Variants in LIN7A observed in about 807,000 individuals in gnomAD.
LIN7A encodes the protein lin-7 cell polarity scaffold A.
LIN7A carries 25 observed loss-of-function variants against 29.8 expected under a neutral mutation model. That is an observed-to-expected ratio of 0.84 (90% CI 0.61 to 1.17). The LOEUF (loss-of-function observed/expected upper bound fraction) is 1.17, where lower values mean the gene tolerates loss of function less well. Among genes scored for constraint, LIN7A ranks in the 50% most tolerant of loss-of-function variants. The probability of loss-of-function intolerance (pLI) is 0.00; values close to 1 mark genes in which losing one functional copy is unlikely to be tolerated. For missense variants in LIN7A, 239 were observed against 287.0 expected, an observed-to-expected ratio of 0.83 and a Z score of 1.21; for synonymous variants, 118 against 107.5, an observed-to-expected ratio of 1.10 and a Z score of -0.60.
rs142633711 is a variant in LIN7A, at chr12:80,810,556, G to T, written c.*909C>A. 2.4e-4 allele frequency among the ~76,000 whole-genome samples: 36 copies of T among 152,230 alleles called. No homozygotes were observed. In the East Asian group the frequency reaches 5.8e-3, roughly 24 times the overall value. ...TGTAATAATGCTGTATTGAACATGG[G>T]AGTGTAAACATCTCTTTGACATATT... is the stretch of plus-strand genomic sequence containing the variant. On this transcript the variant is annotated intron_variant, in intron 5 of 5. Transcript: ENST00000552864.
intron 4 of LIN7A, among the ~76,000 whole-genome samples, chr12:80,835,558 G>A (rs1373438681): frequency 6.6e-6 from 1 of 151,922 alleles, no homozygotes; most frequent in Non-Finnish European, 1.5e-5. Flanking sequence ...AACTCTATAG[G>A]GAGATAAAAT....
chr12:80,878,177 T>C (rs1463604412), intron 2 of LIN7A, among the ~76,000 whole-genome samples: 1 of 152,238 alleles, frequency 6.6e-6, no homozygotes, highest in Non-Finnish European at 1.5e-5. Flanking sequence ...TTAGATATCC[T>C]TAAGATCACT....
At position 80,845,902 on chromosome 12, in the gene LIN7A, G is replaced by C; in HGVS notation, c.311C>G (p.Ser104Cys). Residue 104 changes from serine (S) to cysteine (C), a missense_variant, in exon 4 of 6, where the codon TCC becomes TGC. Physicochemically the swap from Ser to Cys is moderately radical, Grantham distance 112. Transcript: ENST00000552864. ...TGGCAGTTCAACTACTCGAGGGTGG[G>C]AGTGGCCTTCACTAGCTGCAAAAGC... Reference protein sequence around the residue: ...VAAFAASEGHSHPRVVELPKT... With the variant: ...VAAFAASEGHCHPRVVELPKT... The C allele has an allele frequency of 6.2e-7, 1 of 1,610,038 alleles. No homozygotes were observed. The highest frequency in any genetic ancestry group is 8.5e-7 in the Non-Finnish European group (1 of 1,178,396).
chr12:80,838,771 C>G (rs1401653803), intron 4 of LIN7A, among the ~76,000 whole-genome samples: 1 of 152,184 alleles, frequency 6.6e-6, no homozygotes, highest in Non-Finnish European at 1.5e-5. Context: ...AGCTGGGGAT[C>G]TGTGTGCCAG....
chr12:80,825,088 T>C (rs946661218), intron 4 of LIN7A, among the ~76,000 whole-genome samples: 1 of 152,180 alleles, frequency 6.6e-6, no homozygotes, highest in East Asian at 1.9e-4. Flanking sequence ...GCTGATAATA[T>C]GATTGTATAC....
intron 4 of LIN7A, among the ~76,000 whole-genome samples, chr12:80,814,895 A>C (rs1421166372): frequency 2.0e-5 from 3 of 152,208 alleles, no homozygotes; most frequent in African/African-American, 7.2e-5. Context: ...CCACCAGGAC[A>C]CAGAGCCACT....
chr12:80,904,909 G>A (rs1341623338), intron 1 of LIN7A, among the ~76,000 whole-genome samples: 2 of 151,866 alleles, frequency 1.3e-5, no homozygotes, highest in Admixed American at 6.6e-5. Context: ...GATCAGGTGT[G>A]GAAATTTTTA....
intron 1 of LIN7A, among the ~76,000 whole-genome samples, chr12:80,916,070 A>G (rs545071519): frequency 3.9e-4 from 60 of 152,352 alleles, no homozygotes; most frequent in Non-Finnish European, 7.6e-4. Context: ...TAAGGCTTCC[A>G]AAGGCAACCA....
In LIN7A at chr12:80,907,023, A is replaced by G. The variant is rs113382679; in HGVS notation, c.83-17654T>C. Among the ~76,000 whole-genome samples the G allele has an allele frequency of 2.5e-3, 358 of 143,612 alleles. 2 individuals are homozygous for G. The highest frequency in any genetic ancestry group is 3.8e-3 in the Non-Finnish European group (259 of 67,520). The allele number at this position is 143,612 out of a possible 152,430, so 94.2% of individuals were successfully genotyped here. A position where few individuals can be genotyped will look rare whatever the true frequency, so the allele number is the denominator to read the frequency against. ...AAGTTTTATTTTCAGTGAAACAATG[A>G]TCATAATAGAACATACCTCAGAGTG... On this transcript the variant is annotated intron_variant, in intron 1 of 5. Transcript: ENST00000552864.
At chr12:80,807,271 C>A (rs529649985) in intron 5 of LIN7A, among the ~76,000 whole-genome samples, 238 of 151,884 alleles carry the variant, frequency 1.6e-3, no homozygotes, top group Non-Finnish European at 2.9e-3. Flanking sequence ...GGGGTTTCAC[C>A]GAATTAGCCA....
intron 1 of LIN7A, among the ~76,000 whole-genome samples, chr12:80,916,078 C>T (rs968329165): frequency 6.6e-6 from 1 of 152,164 alleles, no homozygotes; most frequent in Non-Finnish European, 1.5e-5. Context: ...CCAAAGGCAA[C>T]CAGAATTTGA....
chr12:80,921,533 A>G (rs1877304234), intron 1 of LIN7A, among the ~76,000 whole-genome samples: 1 of 147,976 alleles, frequency 6.8e-6, no homozygotes, highest in Non-Finnish European at 1.5e-5. Context: ...TGAGAGGGAG[A>G]TCAAGTGAGC....
intron 4 of LIN7A, among the ~76,000 whole-genome samples, chr12:80,815,790 A>ACCTATTGC (rs1182108387): frequency 6.6e-6 from 1 of 152,180 alleles, no homozygotes; most frequent in East Asian, 1.9e-4. Flanking sequence ...GTTTTGTTGT[A>ACCTATTGC]CCTATTGCAT....
chr12:80,845,934 T>G lies in LIN7A; in HGVS notation c.279A>C (p.Thr93=). The G allele has an allele frequency of 6.4e-7, 1 of 1,566,728 alleles. No homozygotes were observed. Among genetic ancestry groups the G allele is most frequent in the Non-Finnish European group, 8.6e-7 (1 of 1,164,390 alleles). Residue 93 remains threonine, a synonymous_variant, in exon 4 of 6, where the codon ACA becomes ACC. Coordinates refer to ENST00000552864, the MANE Select transcript of LIN7A (RefSeq NM_004664.4). ...EFRARATAKA[T]VAAFAASEGH... is the part of the protein sequence containing the mutation. ...CTTCACTAGCTGCAAAAGCTGCAAC[T>G]GTTGCCTGAAAAAAAAAAAAAAAGA...
At chr12:80,881,175 T>C (rs1029135360) in intron 2 of LIN7A, among the ~76,000 whole-genome samples, 2 of 152,176 alleles carry the variant, frequency 1.3e-5, no homozygotes, top group African/African-American at 4.8e-5. Context: ...AAATCTATAT[T>C]GTGTGATTTA....
At chr12:80,903,394 C>T (rs1352092579) in intron 1 of LIN7A, among the ~76,000 whole-genome samples, 1 of 151,958 alleles carries the variant, frequency 6.6e-6, no homozygotes, top group Non-Finnish European at 1.5e-5. Context: ...GTCTATTATT[C>T]CACACTCTAT....
Position 80,848,252 on chromosome 12 carries a change from T to C in LIN7A, c.272A>G (p.Lys91Arg). 6.2e-7 allele frequency: 1 copy of C among 1,611,810 alleles called. No homozygotes were observed. The highest frequency in any genetic ancestry group is 8.5e-7 in the Non-Finnish European group (1 of 1,178,058). ...TTTTTAAAGTTACTCAAGCCTTACC[T>C]TTGCTGTTGCCCTCGCACGGAATTC... ...CPEFRARATA[K>R]ATVAAFAASE... The change falls in exon 3 of 6, where the codon AAG (lysine) becomes AGG (arginine). Residue 91 changes from lysine (K) to arginine (R), a missense_variant and splice_region_variant. Lys to Arg is a conservative substitution (Grantham distance 26). Coordinates refer to ENST00000552864, the MANE Select transcript of LIN7A (RefSeq NM_004664.4).
rs555796857 is a variant in LIN7A, at chr12:80,881,136, T to A, written c.201+8115A>T. Among the ~76,000 whole-genome samples, 188 of 134,282 alleles carry A rather than the reference T, an allele frequency of 1.4e-3. 1 individual carries two copies. The highest frequency in any genetic ancestry group is 4.3e-3 in the African/African-American group (174 of 40,050). 88.1% of individuals were successfully genotyped at this position (134,282 alleles called of 152,430 possible). ...AAGTTTTGGTAAATTTCCATCCTTT[T>A]AAAATTGAACTTCTTCTCCAGGGGA... On this transcript the variant is annotated intron_variant, in intron 2 of 5. Coordinates refer to ENST00000552864, the MANE Select transcript of LIN7A (RefSeq NM_004664.4).
chr12:80,799,927 A>G (rs1870632947), intron 5 of LIN7A, among the ~76,000 whole-genome samples: 1 of 152,154 alleles, frequency 6.6e-6, no homozygotes, highest in African/African-American at 2.4e-5. Context: ...TGGAAGAACT[A>G]TGTGAGCCCA....
Sources: gnomAD v4.1 joint callset for allele counts (sites outside exome capture counted in the v4.1 genomes callset) on GRCh38, gnomAD v4.1.1 for gene constraint, MANE v1.5 for transcripts, NCBI Gene and HGNC (gene_info 2026-07-23, HGNC 2026-07-21) for gene names.